Variants in RGS5 observed in about 807,000 individuals in gnomAD.
RGS5 encodes the protein regulator of G protein signaling 5.
A neutral mutation model predicts 18.9 loss-of-function variants in RGS5; 20 were observed. The observed-to-expected ratio is 1.06, with a 90% confidence interval of 0.74 to 1.54. RGS5 has a LOEUF of 1.54. Among genes scored for constraint, RGS5 ranks in the 40% most tolerant of loss-of-function variants. The pLI is 0.00. For synonymous variants in RGS5, 57 were observed against 76.2 expected, an observed-to-expected ratio of 0.75 and a Z score of 1.31; for missense variants, 201 against 211.8, an observed-to-expected ratio of 0.95 and a Z score of 0.32.
chr1:163,211,433 C>G (rs1472241868), intron 1 of RGS5: 2 of 152,098 alleles, frequency 1.3e-5, no homozygotes, highest in African/African-American at 4.8e-5. Flanking sequence ...TGTGAGGAGT[C>G]TGGGGGCTTT....
intron 1 of RGS5, among the ~76,000 whole-genome samples, chr1:163,195,014 A>G (rs527909207): frequency 1.2e-4 from 18 of 152,306 alleles, no homozygotes; most frequent in Non-Finnish European, 2.1e-4. Context: ...TACAACCTCT[A>G]TGGAAAACAG....
At chr1:163,289,480 T>C (rs2101724307) in intron 2 of RGS5, among the ~76,000 whole-genome samples, 1 of 152,188 alleles carries the variant, frequency 6.6e-6, no homozygotes, top group Admixed American at 6.5e-5. Context: ...AGATCAAAGG[T>C]AGGATTCACC....
chr1:163,147,345 C>A lies in RGS5; in HGVS notation c.543G>T (p.Lys181Asn). The A allele has an allele frequency of 6.3e-7, 1 of 1,589,882 alleles. No homozygotes were observed. Among genetic ancestry groups the A allele is most frequent in the Admixed American group, 1.8e-5 (1 of 55,310 alleles). The change falls in exon 5 of 5, where the codon AAG (lysine) becomes AAT (asparagine). Residue 181 changes from lysine to asparagine, a missense_variant. Lys to Asn is a moderately conservative substitution (Grantham distance 94). Transcript: ENST00000313961. ...VRSEFYQELI[K>N] ...ATTTCATAGCCTGGCTAAATTACTA[C>A]TTGATTAACTCCTGATAAAACTCAG...
At chr1:163,228,490 C>T (rs1314289942) in intron 2 of RGS5, among the ~76,000 whole-genome samples, 1 of 152,198 alleles carries the variant, frequency 6.6e-6, no homozygotes, top group Non-Finnish European at 1.5e-5. Context: ...GGGCCCTGGA[C>T]CCGGCCCAGG....
In RGS5 at chr1:163,276,031, G is replaced by T. The variant is rs181454809; in HGVS notation, c.-281+30202C>A. Among the ~76,000 whole-genome samples the T allele has an allele frequency of 4.6e-5, 7 of 151,306 alleles. No individual in the cohort carries two copies. The East Asian group carries it at 1.4e-3, about 30-fold the overall frequency. ...TTTTTTTTTTCAGAGTTTCACTCTT[G>T]TTGCCCAAGCTGGAGTACAATGGCG... On this transcript the variant is annotated intron_variant, in intron 2 of 5. Coordinates refer to the RGS5 transcript ENST00000618415.
chr1:163,221,757 G>A (rs1647232333), upstream of RGS5, among the ~76,000 whole-genome samples: 1 of 152,192 alleles, frequency 6.6e-6, no homozygotes, highest in Non-Finnish European at 1.5e-5. Flanking sequence ...TGCAGTTGGA[G>A]TTGCTTCCTG....
At chr1:163,253,248 T>G (rs181458187) in intron 2 of RGS5, among the ~76,000 whole-genome samples, 99 of 152,280 alleles carry the variant, frequency 6.5e-4, no homozygotes, top group African/African-American at 2.3e-3. Context: ...TCTCATCATT[T>G]TCTTTCTGAT....
At chr1:163,246,508 T>C (rs1571316623) in intron 2 of RGS5, among the ~76,000 whole-genome samples, 1 of 151,668 alleles carries the variant, frequency 6.6e-6, no homozygotes, top group Non-Finnish European at 1.5e-5. Context: ...GAGGTGGAGG[T>C]TGCAGTGAGC....
At chr1:163,169,613 G>C (rs1056763144) in intron 1 of RGS5, among the ~76,000 whole-genome samples, 1 of 152,112 alleles carries the variant, frequency 6.6e-6, no homozygotes, top group African/African-American at 2.4e-5. Context: ...CTGATGGCCA[G>C]TGATGATGAG....
At chr1:163,292,241 C>T (rs943444904) in intron 2 of RGS5, among the ~76,000 whole-genome samples, 1 of 152,162 alleles carries the variant, frequency 6.6e-6, no homozygotes, top group African/African-American at 2.4e-5. Flanking sequence ...CATCATTTAG[C>T]TCCCACTTGT....
At chr1:163,225,770 T>A (rs1647318211) in intron 2 of RGS5, among the ~76,000 whole-genome samples, 1 of 152,098 alleles carries the variant, frequency 6.6e-6, no homozygotes, top group Admixed American at 6.5e-5. Context: ...ATTACCAGCA[T>A]CTCATTTCCC....
chr1:163,267,293 AAG>A (rs1262602292), intron 2 of RGS5: 1 of 152,158 alleles, frequency 6.6e-6, no homozygotes, highest in African/African-American at 2.4e-5. Flanking sequence ...GAAAGCCAAG[AAG>A]AGAGTCCTCA....
intron 2 of RGS5, among the ~76,000 whole-genome samples, chr1:163,269,963 T>G (rs145855279): frequency 0.017 from 2,595 of 152,228 alleles, 41 homozygotes; most frequent in South Asian, 0.052. Context: ...ATAGAAGATC[T>G]CTATTATTAA....
chr1:163,310,199 C>T (rs1649815579), intron 1 of RGS5, among the ~76,000 whole-genome samples: 1 of 152,272 alleles, frequency 6.6e-6, no homozygotes, highest in East Asian at 1.9e-4. Context: ...CTGGCCTCAA[C>T]TTAAAGTCAC....
intron 2 of RGS5, among the ~76,000 whole-genome samples, chr1:163,292,001 A>AT (rs914656738): frequency 3.8e-4 from 57 of 150,644 alleles, no homozygotes; most frequent in Admixed American, 1.2e-3. Context: ...AATAGAAATG[A>AT]TTTTTTTTTT....
upstream of RGS5, among the ~76,000 whole-genome samples, chr1:163,219,484 C>T (rs1476264137): frequency 1.3e-5 from 2 of 152,046 alleles, no homozygotes; most frequent in Non-Finnish European, 2.9e-5. Flanking sequence ...TCCTGAGGTT[C>T]CTGCAACCTT....
chr1:163,310,688 T>C (rs1410105657), intron 1 of RGS5, among the ~76,000 whole-genome samples: 1 of 152,184 alleles, frequency 6.6e-6, no homozygotes, highest in Admixed American at 6.5e-5. Context: ...TTAGCAAGAT[T>C]TTCTGCATAA....
chr1:163,277,194 T>C (rs1248348616), intron 2 of RGS5, among the ~76,000 whole-genome samples: 1 of 152,160 alleles, frequency 6.6e-6, no homozygotes, highest in Non-Finnish European at 1.5e-5. Flanking sequence ...AATCAGAAAA[T>C]CTTTAAATCT....
rs146737480 is a variant in RGS5, at chr1:163,296,097, A to C, written c.-281+10136T>G. Among the ~76,000 whole-genome samples, 575 of 152,314 alleles carry C rather than the reference A, an allele frequency of 3.8e-3. 3 individuals are homozygous for C. The highest frequency in any genetic ancestry group is 0.013 in the African/African-American group (537 of 41,568). ...ATTACAGTTCCAGTGAAGCCAACTT[A>C]AAAAGAGCCTTTATGGTTAATCACT... On this transcript the variant is annotated intron_variant, in intron 2 of 5. Transcript: ENST00000618415.
Sources: gnomAD v4.1 joint callset for allele counts (sites outside exome capture counted in the v4.1 genomes callset) on GRCh38, gnomAD v4.1.1 for gene constraint, MANE v1.5 for transcripts, NCBI Gene and HGNC (gene_info 2026-07-23, HGNC 2026-07-21) for gene names.